The following STRN variants were observed in gnomAD, a reference collection of about 807,000 sequenced individuals.
STRN encodes the protein striatin.
Under a neutral mutation model 96.3 loss-of-function variants are expected in STRN, and 53 were observed. The ratio of observed to expected loss-of-function variants is 0.55; its 90% CI spans 0.44 to 0.69. STRN has a LOEUF of 0.69. Ranked by LOEUF, STRN falls within the 30% of genes least tolerant of loss-of-function variation. STRN has a pLI of 0.00. For missense variants in STRN, 987 were observed against 963.9 expected, an observed-to-expected ratio of 1.02 and a Z score of -0.32; for synonymous variants, 428 against 355.9, an observed-to-expected ratio of 1.20 and a Z score of -2.28.
At chr2:36,876,446 C>G (rs1383059618) in intron 10 of STRN, among the ~76,000 whole-genome samples, 1 of 151,892 alleles carries the variant, frequency 6.6e-6, no homozygotes. Flanking sequence ...AGGTAGAACC[C>G]AAAAGACTTA....
At chr2:36,908,130 A>G (rs1669870697) in intron 3 of STRN, among the ~76,000 whole-genome samples, 1 of 152,232 alleles carries the variant, frequency 6.6e-6, no homozygotes, top group African/African-American at 2.4e-5. Context: ...CCCCTTCTTA[A>G]GTCAAGTGAA....
rs143539814 is a variant in STRN, at chr2:36,857,904, T to G, written c.1789A>C (p.Asn597His). The change falls in exon 14 of 18, where the codon AAT (asparagine) becomes CAT (histidine). Residue 597 changes from asparagine (N) to histidine (H), a missense_variant. Coordinates refer to ENST00000263918, the MANE Select transcript of STRN (RefSeq NM_003162.4). Reference protein sequence around the residue: ...CSADGTLRLWNTTEVAPALSV... With the variant: ...CSADGTLRLWHTTEVAPALSV... ...AGTGCTGGAGCAACCTCAGTTGTATTCCATAAACGCAGAGTGCCATCTGCT... is the reference window on the plus strand; with the variant it reads ...AGTGCTGGAGCAACCTCAGTTGTATGCCATAAACGCAGAGTGCCATCTGCT... 4.1e-5 allele frequency: 66 copies of G among 1,614,136 alleles called. No individual in the cohort carries two copies. The African/African-American group carries it at 8.1e-4, about 20-fold the overall frequency.
At chr2:36,904,838 CTGAATGAATGAA>C (rs150507744) in intron 4 of STRN, among the ~76,000 whole-genome samples, 9 of 151,796 alleles carry the variant, frequency 5.9e-5, no homozygotes, top group African/African-American at 1.7e-4. Context: ...AAATGAATGA[CTGAATGAATGAA>C]TGAATGAATG....
chr2:36,884,157 C>T lies in STRN; in HGVS notation c.1043-82G>A. 2.5e-6 allele frequency: 3 copies of T among 1,186,562 alleles called. No individual in the cohort carries two copies. In the African/African-American group the frequency reaches 4.7e-5, roughly 19 times the overall value. 73.5% of individuals were successfully genotyped at this position (1,186,562 alleles called of 1,614,324 possible). On this transcript the variant is annotated intron_variant, in intron 8 of 17. Transcript: ENST00000263918. ...ATTGCATCAAAATGGTATTATAAGC[C>T]TTATTTTCCATCTGTCAATATTTAC...
intron 1 of STRN, among the ~76,000 whole-genome samples, chr2:36,950,229 T>G (rs1347589892): frequency 6.7e-6 from 1 of 148,350 alleles, no homozygotes; most frequent in Non-Finnish European, 1.5e-5. Flanking sequence ...TTTTTTTTTT[T>G]TTTTGAGACT....
chr2:36,946,221 C>G (rs1251225289), intron 1 of STRN, among the ~76,000 whole-genome samples: 1 of 148,492 alleles, frequency 6.7e-6, no homozygotes, highest in Non-Finnish European at 1.5e-5. Flanking sequence ...GTATAAATAC[C>G]AGAAATATTT....
chr2:36,916,419 G>A (rs1012623850), intron 2 of STRN, among the ~76,000 whole-genome samples: 4 of 151,252 alleles, frequency 2.6e-5, no homozygotes, highest in Non-Finnish European at 4.4e-5. Context: ...CAAAATGAAC[G>A]ATATAACATC....
chr2:36,851,478 A>C (rs544731801), intron 15 of STRN, among the ~76,000 whole-genome samples: 1 of 152,224 alleles, frequency 6.6e-6, no homozygotes, highest in African/African-American at 2.4e-5. Context: ...GCGAGACTCC[A>C]TTTCAAAAAA....
rs189113635 is a variant in STRN, at chr2:36,938,652, T to G, written c.235-13444A>C. On this transcript the variant is annotated intron_variant, in intron 1 of 17. Transcript: ENST00000263918. Reference sequence around the variant, plus strand: ...TTACAGTGTTGTCAAACTTCAAGGTTATTAAAACTATTAATATCCTGTTTA... The same window carrying G: ...TTACAGTGTTGTCAAACTTCAAGGTGATTAAAACTATTAATATCCTGTTTA... Among the ~76,000 whole-genome samples the G allele has an allele frequency of 2.1e-4, 32 of 152,330 alleles. No homozygotes were observed. In the East Asian group the frequency reaches 5.6e-3, roughly 27 times the overall value.
chr2:36,964,668 A>G (rs546380309), intron 1 of STRN, among the ~76,000 whole-genome samples: 2 of 152,316 alleles, frequency 1.3e-5, no homozygotes, highest in African/African-American at 4.8e-5. Flanking sequence ...TCAGCTGCTC[A>G]TTTGTCATCT....
chr2:36,885,462 T>C (rs1267260911), intron 8 of STRN, among the ~76,000 whole-genome samples: 3 of 152,172 alleles, frequency 2.0e-5, no homozygotes, highest in Non-Finnish European at 2.9e-5. Flanking sequence ...TAAGATTAAA[T>C]TGTCTATCAG....
rs184191925 is a variant in STRN, at chr2:36,865,954, A to G, written c.1547+1860T>C. ...TCTGGTATGTTGTAGCTTTGGTTTCATTAGTTTCAAAGAATTTCTTGATTT... is the reference window on the plus strand; with the variant it reads ...TCTGGTATGTTGTAGCTTTGGTTTCGTTAGTTTCAAAGAATTTCTTGATTT... On this transcript the variant is annotated intron_variant, in intron 12 of 17. Coordinates refer to ENST00000263918, the MANE Select transcript of STRN (RefSeq NM_003162.4). Among the ~76,000 whole-genome samples, 397 of 152,286 alleles carry G rather than the reference A, an allele frequency of 2.6e-3. 3 individuals are homozygous for G. The highest frequency in any genetic ancestry group is 9.2e-3 in the African/African-American group (384 of 41,550).
chr2:36,859,424 G>C (rs568853223), intron 13 of STRN, among the ~76,000 whole-genome samples: 4 of 152,336 alleles, frequency 2.6e-5, no homozygotes, highest in Admixed American at 6.5e-5. Flanking sequence ...CAGTGTGACA[G>C]AACAGGGAAT....
chr2:36,895,338 A>C (rs990694869), intron 6 of STRN, among the ~76,000 whole-genome samples: 8 of 152,178 alleles, frequency 5.3e-5, no homozygotes, highest in South Asian at 4.1e-4. Flanking sequence ...AAAAAAAAAA[A>C]ACACAATTGG....
intron 6 of STRN, among the ~76,000 whole-genome samples, chr2:36,897,268 G>C (rs569355730): frequency 2.6e-5 from 4 of 152,194 alleles, no homozygotes; most frequent in South Asian, 2.1e-4. Flanking sequence ...AATGCAGTAA[G>C]TTATGCTTAT....
chr2:36,851,059 A>C lies in STRN; in HGVS notation c.2027T>G (p.Leu676Arg). 1 of 1,613,930 alleles carries C rather than the reference A, an allele frequency of 6.2e-7. No homozygotes were observed. The highest frequency in any genetic ancestry group is 8.5e-7 in the Non-Finnish European group (1 of 1,179,924). The change falls in exon 16 of 18, where the codon CTT becomes CGT. Residue 676 changes from leucine to arginine, a missense_variant. Coordinates refer to ENST00000263918, the MANE Select transcript of STRN (RefSeq NM_003162.4). The stretch of plus-strand genomic sequence containing the variant: ...TTCATGAGCAGTGATGCTGATCGGA[A>C]GAGTAGGATGACTGATGACTCTATT... ...QINRVISHPT[L>R]PISITAHEDR...
At chr2:36,939,803 A>C (rs1670801402) in intron 1 of STRN, among the ~76,000 whole-genome samples, 1 of 152,214 alleles carries the variant, frequency 6.6e-6, no homozygotes, top group African/African-American at 2.4e-5. Context: ...AGGTTTCAAA[A>C]AGTGATTCAA....
rs184279610 is a variant in STRN, at chr2:36,910,824, G to C, written c.413-5206C>G. On this transcript the variant is annotated intron_variant, in intron 3 of 17. Coordinates refer to ENST00000263918, the MANE Select transcript of STRN (RefSeq NM_003162.4). ...TATATTCAACTTTAAATAACTACCT[G>C]GCTTCTAATATTAAATAGGAGAGAC... is the stretch of plus-strand genomic sequence containing the variant. Among the ~76,000 whole-genome samples, 18 of 152,046 alleles carry C rather than the reference G, an allele frequency of 1.2e-4. No individual in the cohort carries two copies. In the East Asian group the frequency reaches 3.5e-3, roughly 29 times the overall value.
chr2:36,956,596 A>G (rs909678461), intron 1 of STRN, among the ~76,000 whole-genome samples: 1 of 152,224 alleles, frequency 6.6e-6, no homozygotes, highest in Non-Finnish European at 1.5e-5. Flanking sequence ...CAGGTGGGCA[A>G]AGGGGACTCT....
Sources: gnomAD v4.1 joint callset for allele counts (sites outside exome capture counted in the v4.1 genomes callset) on GRCh38, gnomAD v4.1.1 for gene constraint, MANE v1.5 for transcripts, NCBI Gene and HGNC (gene_info 2026-07-23, HGNC 2026-07-21) for gene names.